MTMR11: variants seen among roughly 807,000 people sequenced by gnomAD.
The protein encoded by MTMR11 is myotubularin related protein 11.
MTMR11 carries 89 observed loss-of-function variants against 100.0 expected under a neutral mutation model. The observed-to-expected ratio is 0.89, with a 90% confidence interval of 0.75 to 1.06. MTMR11 has a LOEUF of 1.06. Ranked by LOEUF, MTMR11 falls within the 50% of genes least tolerant of loss-of-function variation. The pLI is 0.00. For missense variants in MTMR11, 809 were observed against 873.7 expected (o/e 0.93, Z 0.93); for synonymous variants, 336 against 326.3 (o/e 1.03, Z -0.32).
intron 5 of MTMR11, 43 bp downstream of exon 5, chr1:149,934,943 G>A: frequency 6.3e-7 from 1 of 1,594,766 alleles, no homozygotes; most frequent in Non-Finnish European, 8.5e-7. Context: ...AGGATCCCAA[G>A]GTTCTGAGGT....
At position 149,928,973 on chromosome 1, in the gene MTMR11, TG is replaced by T; in HGVS notation, c.*155del. The T allele has an allele frequency of 6.2e-7, 1 of 1,612,666 alleles. No homozygotes were observed. Among genetic ancestry groups the T allele is most frequent in the Non-Finnish European group, 8.5e-7 (1 of 1,179,242 alleles). On this transcript the variant is annotated 3_prime_UTR_variant, in exon 17 of 17. Transcript: ENST00000439741. ...TCAAATGACAAGAAGCAAAAATATT[TG>T]TAGAAACTAAGCAAGACAAGAGTTG...
In MTMR11 at chr1:149,928,807, A is replaced by G; in HGVS notation, c.*322T>C. 6.7e-7 allele frequency: 1 copy of G among 1,493,088 alleles called. No individual in the cohort carries two copies. The allele number at this position is 1,493,088 out of a possible 1,614,324, so 92.5% of individuals were successfully genotyped here. On this transcript the variant is annotated 3_prime_UTR_variant, in exon 17 of 17. Transcript: ENST00000439741. Reference sequence around the variant, plus strand: ...ATTAAAGCAGCAGCAAGGCGAGGTGAGAATGCGATTTCTAGGCCATCTTGT... The same window carrying G: ...ATTAAAGCAGCAGCAAGGCGAGGTGGGAATGCGATTTCTAGGCCATCTTGT...
chr1:149,936,642 C>T lies in MTMR11; in HGVS notation c.6G>A (p.Trp2Ter), dbSNP rs1472398661. The T allele has an allele frequency of 3.2e-6, 5 of 1,540,716 alleles. No individual in the cohort carries two copies. Among genetic ancestry groups the T allele is most frequent in the African/African-American group, 1.4e-5 (1 of 72,786 alleles). Residue 2 changes from tryptophan (W) to a stop codon, truncating the protein, a stop_gained, in exon 1 of 17, where the codon TGG becomes TGA. Transcript: ENST00000439741. LOFTEE classifies it high-confidence loss of function. M[W>*]WGGRGQSFNI... Reference sequence around the variant, plus strand: ...TGAAACTCTGGCCCCGGCCCCCCCACCACATTTCTCTGGCTCCATCCGGGG... The same window carrying T: ...TGAAACTCTGGCCCCGGCCCCCCCATCACATTTCTCTGGCTCCATCCGGGG...
intron 7 of MTMR11, 23 bp from the exon 8 acceptor site, chr1:149,933,965 C>G (rs983657700): frequency 6.3e-6 from 10 of 1,598,814 alleles, no homozygotes; most frequent in Middle Eastern, 1.7e-4. Flanking sequence ...AGTGATATTA[C>G]AGTTTGGCTC....
intron 10 of MTMR11, 42 bp from the exon 11 acceptor site, chr1:149,932,372 CTCAGGAT>C (rs782443568): frequency 5.2e-6 from 8 of 1,536,762 alleles, no homozygotes; most frequent in Non-Finnish European, 7.2e-6. Context: ...GAGATTAGAA[CTCAGGAT>C]TCAGGATTCA....
rs782637747 is a variant in MTMR11 at position 149,931,977 on chromosome 1, C to T, written c.1090G>A (p.Val364Met). The stretch of plus-strand genomic sequence containing the variant: ...ATTACAGAACGAACCCTGGATGTCA[C>T]TAATACTGAAATGTCACTGGCCTTT... Reference protein sequence around the residue: ...LRKASDISVLVTSRVRSVILQ... With the variant: ...LRKASDISVLMTSRVRSVILQ... The change falls in exon 12 of 17, where the codon GTG becomes ATG. Residue 364 changes from valine (V) to methionine (M), a missense_variant. Transcript: ENST00000439741. 1.2e-6 allele frequency: 2 copies of T among 1,613,968 alleles called. No homozygotes were observed. Among genetic ancestry groups the T allele is most frequent in the South Asian group, 2.2e-5 (2 of 91,080 alleles).
intron 9 of MTMR11, 38 bp downstream of exon 9, chr1:149,933,572 C>T (rs2092687587): frequency 6.2e-7 from 1 of 1,613,972 alleles, no homozygotes; most frequent in Non-Finnish European, 8.5e-7. Flanking sequence ...CTACCCTGAG[C>T]ACCTAACCCT....
chr1:149,928,770 A>G lies in MTMR11; in HGVS notation c.*359T>C. 1 of 1,202,422 alleles carries G rather than the reference A, an allele frequency of 8.3e-7. No homozygotes were observed. Among genetic ancestry groups the G allele is most frequent in the East Asian group, 2.3e-5 (1 of 42,800 alleles). The allele number at this position is 1,202,422 out of a possible 1,614,324, so 74.5% of individuals were successfully genotyped here. On this transcript the variant is annotated 3_prime_UTR_variant, in exon 17 of 17. Transcript: ENST00000439741. Reference sequence around the variant, plus strand: ...CCCATAGAAAACTATAAGGGAAGAAATAGAACTTGGAATTAAAGCAGCAGC... The same window carrying G: ...CCCATAGAAAACTATAAGGGAAGAAGTAGAACTTGGAATTAAAGCAGCAGC...
chr1:149,930,067 T>G (rs2092638595), intron 15 of MTMR11, 151 bp from the exon 16 acceptor site: 1 of 852,878 alleles, frequency 1.2e-6, no homozygotes, highest in Non-Finnish European at 1.8e-6. Context: ...TCTACCCTCC[T>G]CATTAGGCTT....
rs1204336181 is a variant in MTMR11 at position 149,930,463 on chromosome 1, C to T, written c.1549G>A (p.Asp517Asn). Residue 517 changes from aspartate (D) to asparagine (N), a missense_variant, in exon 15 of 17, where the codon GAC (aspartate) becomes AAC (asparagine). Transcript: ENST00000439741. ...NSFNLQLSVW[D>N]WDLRYSNAQI... Reference sequence around the variant, plus strand: ...GCATTGCTATAACGTAAATCCCAGTCCCAGACAGACAGCTGCAGGTTAAAA... The same window carrying T: ...GCATTGCTATAACGTAAATCCCAGTTCCAGACAGACAGCTGCAGGTTAAAA... The T allele has an allele frequency of 1.2e-6, 2 of 1,614,048 alleles. No homozygotes were observed. The highest frequency in any genetic ancestry group is 3.3e-5 in the Admixed American group (2 of 60,006).
chr1:149,935,272 C>A (rs1046960494), intron 4 of MTMR11, 27 bp downstream of exon 4: 1 of 1,609,894 alleles, frequency 6.2e-7, no homozygotes. Context: ...CCAGTGAACC[C>A]CTTCACCAAA....
chr1:149,930,637 A>G (rs2092646024), intron 14 of MTMR11, 90 bp from the exon 15 acceptor site: 2 of 1,403,790 alleles, frequency 1.4e-6, no homozygotes, highest in African/African-American at 1.4e-5. Flanking sequence ...TTATTCTAGG[A>G]AAGATGTAGG....
Position 149,929,612 on chromosome 1 carries a change from T to C in MTMR11, c.1941+11A>G, listed in dbSNP as rs2092628501. On this transcript the variant is annotated intron_variant, in intron 16 of 16. Transcript: ENST00000439741. ...CCCTTGTCCCACTCCCAGTCTATTT[T>C]CCCTTCTTACCTGGACCTCAGGCCT... 1.2e-6 allele frequency: 2 copies of C among 1,604,048 alleles called. No homozygotes were observed.
In MTMR11 at chr1:149,936,603, C is replaced by CT. The variant is rs1333252777; in HGVS notation, c.44dup (p.Lys16GlufsTer13). The CT allele has an allele frequency of 6.5e-7, 1 of 1,541,818 alleles. No homozygotes were observed. The highest frequency in any genetic ancestry group is 8.8e-7 in the Non-Finnish European group (1 of 1,138,624). On this transcript the variant is annotated frameshift_variant, in exon 1 of 17. Coordinates refer to ENST00000439741, the MANE Select transcript of MTMR11 (RefSeq NM_001145862.2). LOFTEE classifies it high-confidence loss of function. ...TTACCCCCATCTCTGGCTCCTCCTT[C>CT]TGGGGGGCAATGTTGAAACTCTGGC...
Position 149,933,662 on chromosome 1 carries a change from G to T in MTMR11, c.808C>A (p.Leu270Ile). 2 of 1,614,184 alleles carry T rather than the reference G, an allele frequency of 1.2e-6. No individual in the cohort carries two copies. The highest frequency in any genetic ancestry group is 1.7e-6 in the Non-Finnish European group (2 of 1,180,036). Residue 270 changes from leucine (L) to isoleucine (I), a missense_variant, in exon 9 of 17, where the codon CTC (leucine) becomes ATC (isoleucine). Coordinates refer to ENST00000439741, the MANE Select transcript of MTMR11 (RefSeq NM_001145862.2). Reference protein sequence around the residue: ...SWHHPGGSDLLRCGGFYTASD... With the variant: ...SWHHPGGSDLIRCGGFYTASD... ...GCTGTATAGAAGCCTCCACAGCGGA[G>T]AAGATCACTGCCCCCAGGGTGATGC...
chr1:149,936,787 G>T lies in MTMR11; in HGVS notation c.-140C>A. The T allele has an allele frequency of 1.5e-6, 1 of 672,682 alleles. No individual in the cohort carries two copies. The highest frequency in any genetic ancestry group is 2.6e-6 in the Non-Finnish European group (1 of 379,954). The allele number at this position is 672,682 out of a possible 1,614,324, so 41.7% of individuals were successfully genotyped here. A position where few individuals can be genotyped will look rare whatever the true frequency, so the allele number is the denominator to read the frequency against. On this transcript the variant is annotated 5_prime_UTR_variant, in exon 1 of 17. Transcript: ENST00000439741. ...AGGGGGTTGGACACAAGGGAAAGGA[G>T]CATTTGACGTGCACGGAGCAGAGTT...
At position 149,933,659 on chromosome 1, in the gene MTMR11, G is replaced by A. The variant is rs782365266; in HGVS notation, c.811C>T (p.Arg271Cys). ...CTGGCTGTATAGAAGCCTCCACAGC[G>A]GAGAAGATCACTGCCCCCAGGGTGA... ...WHHPGGSDLL[R>C]CGGFYTASDP... Residue 271 changes from arginine (R) to cysteine (C), a missense_variant, in exon 9 of 17, where the codon CGC becomes TGC. Arg to Cys is a radical substitution (Grantham distance 180). Transcript: ENST00000439741. 6.8e-6 allele frequency: 11 copies of A among 1,614,044 alleles called. No homozygotes were observed. Among genetic ancestry groups the A allele is most frequent in the South Asian group, 2.2e-5 (2 of 91,084 alleles).
At chr1:149,935,847 G>A (rs2092714721) in intron 2 of MTMR11, 142 bp from the exon 3 acceptor site, 2 of 1,127,290 alleles carry the variant, frequency 1.8e-6, no homozygotes, top group Non-Finnish European at 2.5e-6. Flanking sequence ...AAGCTTATGA[G>A]GAAAGATAAA....
At chr1:149,930,755 G>GAA in intron 14 of MTMR11, 37 bp downstream of exon 14, 2 of 1,461,680 alleles carry the variant, frequency 1.4e-6, no homozygotes, top group South Asian at 1.4e-5. Flanking sequence ...CATCTCAATG[G>GAA]AAAAAAAAAC....
Sources: gnomAD v4.1 joint callset for allele counts on GRCh38, gnomAD v4.1.1 for gene constraint, MANE v1.5 for transcripts, NCBI Gene and HGNC (gene_info 2026-07-23, HGNC 2026-07-21) for gene names.